PRKD1: variants seen among roughly 807,000 people sequenced by gnomAD.
The protein encoded by PRKD1 is serine/threonine-protein kinase D1.
PRKD1 carries 63 observed loss-of-function variants against 95.9 expected under a neutral mutation model. That is an observed-to-expected ratio of 0.66 (90% CI 0.54 to 0.81). PRKD1 has a LOEUF of 0.81. Ranked by LOEUF, PRKD1 falls within the 30% of genes least tolerant of loss-of-function variation. PRKD1 has a pLI of 0.00. For synonymous variants in PRKD1, 425 were observed against 423.1 expected (o/e 1.00, Z -0.05); for missense variants, 1,048 against 1,165.3 (o/e 0.90, Z 1.47).
intron 2 of PRKD1, among the ~76,000 whole-genome samples, chr14:29,689,283 AC>A (rs1414260788): frequency 1.3e-5 from 2 of 151,970 alleles, no homozygotes; most frequent in African/African-American, 4.8e-5. Flanking sequence ...AAAAAACATT[AC>A]AAAGTGGGAA....
intron 1 of PRKD1, among the ~76,000 whole-genome samples, chr14:29,898,812 C>T (rs1894221007): frequency 6.6e-6 from 1 of 152,132 alleles, no homozygotes; most frequent in Non-Finnish European, 1.5e-5. Flanking sequence ...TTTAAGTACA[C>T]ATTTTAAAAT....
chr14:29,633,794 T>C (rs1274858286), intron 8 of PRKD1, among the ~76,000 whole-genome samples: 1 of 152,190 alleles, frequency 6.6e-6, no homozygotes, highest in East Asian at 1.9e-4. Context: ...AAATTATAGA[T>C]AGATCAATTA....
chr14:29,727,676 C>G (rs555071428), intron 1 of PRKD1, among the ~76,000 whole-genome samples: 40 of 151,900 alleles, frequency 2.6e-4, no homozygotes, highest in Admixed American at 1.8e-3. Flanking sequence ...GCTTGTTTTT[C>G]TCAGGTTTGT....
At chr14:29,628,418 T>C (rs1413252994) in intron 11 of PRKD1, among the ~76,000 whole-genome samples, 2 of 152,298 alleles carry the variant, frequency 1.3e-5, no homozygotes, top group East Asian at 1.9e-4. Flanking sequence ...GGATAAAATA[T>C]AACAAATAAA....
intron 4 of PRKD1, among the ~76,000 whole-genome samples, chr14:29,641,845 T>A (rs1363554420): frequency 1.3e-5 from 2 of 151,986 alleles, no homozygotes; most frequent in Non-Finnish European, 2.9e-5. Context: ...TTTACCTAAA[T>A]GTTTAAGAAC....
At chr14:29,890,561 G>A (rs896721776) in intron 1 of PRKD1, among the ~76,000 whole-genome samples, 1 of 152,170 alleles carries the variant, frequency 6.6e-6, no homozygotes, top group Non-Finnish European at 1.5e-5. Flanking sequence ...GAGAATGAAG[G>A]TGAGTTAGGC....
chr14:29,801,573 C>A lies in PRKD1; in HGVS notation c.265-75899G>T, dbSNP rs1425466695. ...GAACCTCAATATGCTTATTAAAAAA[C>A]AAAACAAAACAAAAAACAAGTGGGG... On this transcript the variant is annotated intron_variant, in intron 1 of 17. Coordinates refer to ENST00000331968, the MANE Select transcript of PRKD1 (RefSeq NM_002742.3). Among the ~76,000 whole-genome samples the A allele has an allele frequency of 7.2e-5, 11 of 152,072 alleles. No homozygotes were observed. The East Asian group carries it at 1.9e-3, about 27-fold the overall frequency.
chr14:29,596,730 C>T (rs1406499041), intron 16 of PRKD1, among the ~76,000 whole-genome samples: 1 of 152,158 alleles, frequency 6.6e-6, no homozygotes, highest in Non-Finnish European at 1.5e-5. Flanking sequence ...TAACACCTAT[C>T]TTATAGAATT....
rs2138964633 is a variant in PRKD1, at chr14:29,584,614, C to G, written c.2435-6254G>C. On this transcript the variant is annotated intron_variant, in intron 16 of 17. Transcript: ENST00000331968. ...CTATAATGCATTAGAAAAATGCTTG[C>G]TAAGTAGCATTTGGCAGACTGAATA... Among the ~76,000 whole-genome samples the G allele has an allele frequency of 2.0e-5, 3 of 152,168 alleles. 1 individual carries two copies. The Middle Eastern group carries it at 0.01, about 518-fold the overall frequency.
At chr14:29,747,965 A>G (rs1783625262) in intron 1 of PRKD1, among the ~76,000 whole-genome samples, 3 of 152,062 alleles carry the variant, frequency 2.0e-5, no homozygotes. Flanking sequence ...GCTGGTCTCA[A>G]ACTCCTGACC....
Position 29,920,161 on chromosome 14 carries a change from CAAGG to C in PRKD1, c.264+7084_264+7087del, listed in dbSNP as rs201877138. On this transcript the variant is annotated intron_variant, in intron 1 of 17. Transcript: ENST00000331968. ...AAGAAAAGAAAAGGAAGGAAGGAAA[CAAGG>C]AAGGAAGGAAGCACTTGTCTTGTTT... 7.7e-3 allele frequency among the ~76,000 whole-genome samples: 1,166 copies of C among 151,014 alleles called. 15 individuals carry two copies. The highest frequency in any genetic ancestry group is 0.027 in the African/African-American group (1,105 of 41,104).
At chr14:29,719,384 C>A (rs1026529256) in intron 2 of PRKD1, among the ~76,000 whole-genome samples, 6 of 152,128 alleles carry the variant, frequency 3.9e-5, no homozygotes, top group African/African-American at 1.4e-4. Context: ...CTATGACAAA[C>A]ATCATCTCAA....
At chr14:29,771,709 T>C (rs1358206202) in intron 1 of PRKD1, among the ~76,000 whole-genome samples, 1 of 152,128 alleles carries the variant, frequency 6.6e-6, no homozygotes, top group African/African-American at 2.4e-5. Flanking sequence ...GGGAGAGTCA[T>C]GAGTATGCCA....
intron 2 of PRKD1, among the ~76,000 whole-genome samples, chr14:29,704,056 A>G (rs944891864): frequency 3.9e-5 from 6 of 152,212 alleles, no homozygotes; most frequent in African/African-American, 1.4e-4. Flanking sequence ...GAATATTTCC[A>G]CAAGAAATGT....
intron 2 of PRKD1, among the ~76,000 whole-genome samples, chr14:29,698,356 CT>C (rs893705318): frequency 4.6e-5 from 7 of 151,862 alleles, no homozygotes; most frequent in African/African-American, 1.5e-4. Flanking sequence ...AAAGCTTTTT[CT>C]TTTTTACAGT....
chr14:29,698,404 CAA>C (rs1400358567), intron 2 of PRKD1, among the ~76,000 whole-genome samples: 4 of 151,790 alleles, frequency 2.6e-5, no homozygotes, highest in Admixed American at 1.3e-4. Context: ...TCAAGCTTGA[CAA>C]GAGAGAAAAG....
At chr14:29,864,135 T>C (rs1892804293) in intron 1 of PRKD1, among the ~76,000 whole-genome samples, 1 of 152,066 alleles carries the variant, frequency 6.6e-6, no homozygotes, top group African/African-American at 2.4e-5. Context: ...TTAGCCACAT[T>C]AATTAAAACA....
intron 1 of PRKD1, among the ~76,000 whole-genome samples, chr14:29,770,312 A>T (rs916108572): frequency 1.3e-5 from 2 of 152,234 alleles, no homozygotes; most frequent in Non-Finnish European, 2.9e-5. Context: ...ACCGCTAGAA[A>T]TGGGTAATGA....
intron 1 of PRKD1, among the ~76,000 whole-genome samples, chr14:29,921,714 TAGGAATCTGGTGAAAATAAAC>T (rs1594629407): frequency 6.6e-6 from 1 of 152,294 alleles, no homozygotes; most frequent in East Asian, 1.9e-4. Context: ...AAAGCTATGA[TAGGAATCTGGTGAAAATAAAC>T]AGCACAGTCA....
Sources: gnomAD v4.1 joint callset for allele counts (sites outside exome capture counted in the v4.1 genomes callset) on GRCh38, gnomAD v4.1.1 for gene constraint, MANE v1.5 for transcripts, NCBI Gene and HGNC (gene_info 2026-07-23, HGNC 2026-07-21) for gene names.